PIAS3: variants seen among roughly 807,000 people sequenced by gnomAD.
PIAS3 encodes protein inhibitor of activated STAT 3.
A neutral mutation model predicts 67.6 loss-of-function variants in PIAS3; 34 were observed. The observed-to-expected ratio is 0.50, with a 90% CI of 0.38 to 0.67. The LOEUF is 0.67. Ranked by LOEUF, PIAS3 falls within the 30% of genes least tolerant of loss-of-function variation. The pLI, the probability that PIAS3 is intolerant of heterozygous loss-of-function variation, is 0.00. For synonymous variants in PIAS3, 341 were observed against 313.8 expected, an observed-to-expected ratio of 1.09 and a Z score of -0.92; for missense variants, 693 against 791.6, an observed-to-expected ratio of 0.88 and a Z score of 1.49.
chr1:145,856,742 G>A lies in PIAS3; in HGVS notation c.289C>T (p.Pro97Ser), dbSNP rs148993534. The A allele has an allele frequency of 6.2e-7, 1 of 1,614,080 alleles. No homozygotes were observed. ...GTGCCAGGGGCCAACAGCGTTGGGG[G>A]AATGGGAGCTAGAGGACCAGGGGAG... ...VGSPGPLAPIPPTLLAPGTLL... is the reference protein window; with the variant it reads ...VGSPGPLAPISPTLLAPGTLL... Residue 97 changes from proline (P) to serine (S), a missense_variant, in exon 2 of 14, where the codon CCC becomes TCC. This residue lies in a region of PIAS3 where 308 missense variants were observed against 348.8 expected (regional missense o/e 0.88). Coordinates refer to ENST00000393045, the MANE Select transcript of PIAS3 (RefSeq NM_006099.3).
rs1391554758 is a variant in PIAS3, at chr1:145,854,625, T to G, written c.805-62A>C. The G allele has an allele frequency of 2.5e-6, 4 of 1,576,918 alleles. No homozygotes were observed. The African/African-American group carries it at 5.4e-5, about 21-fold the overall frequency. On this transcript the variant is annotated intron_variant, in intron 6 of 13. Coordinates refer to ENST00000393045, the MANE Select transcript of PIAS3 (RefSeq NM_006099.3). ...TTCTCATACCACCACTGCCCACTTT[T>G]GTTCCATGAGGACCAGAGACAGACT... is the stretch of plus-strand genomic sequence containing the variant.
chr1:145,856,272 A>G (rs1653178547), intron 3 of PIAS3, 75 bp downstream of exon 3: 1 of 1,320,206 alleles, frequency 7.6e-7, no homozygotes, highest in Non-Finnish European at 1.1e-6. Flanking sequence ...GGGATAGGGA[A>G]GAGCACAGGG....
In PIAS3 at chr1:145,854,848, C is replaced by A. The variant is rs782815546; in HGVS notation, c.702G>T (p.Glu234Asp). Reference sequence around the variant, plus strand: ...TGATGGGGCGGCTGGGCCTCTTGGGCTCGGCCCCATTCTTGGTTGGGGGAA... The same window carrying A: ...TGATGGGGCGGCTGGGCCTCTTGGGATCGGCCCCATTCTTGGTTGGGGGAA... The part of the protein sequence containing the change: ...GYLPPTKNGA[E>D]PKRPSRPINI... The change falls in exon 6 of 14, where the codon GAG (glutamate) becomes GAT (aspartate). Residue 234 changes from glutamate (E) to aspartate (D), a missense_variant. By Grantham distance (45) the Glu-to-Asp change is conservative (BLOSUM62 2). Around this residue, in one of 3 missense-constraint regions of PIAS3, gnomAD observed 308 missense variants for 348.8 expected, o/e 0.88. Coordinates refer to ENST00000393045, the MANE Select transcript of PIAS3 (RefSeq NM_006099.3). 6.2e-7 allele frequency: 1 copy of A among 1,614,054 alleles called. No homozygotes were observed. The highest frequency in any genetic ancestry group is 1.3e-5 in the African/African-American group (1 of 74,914).
At chr1:145,851,336 C>T (rs1553734322) in intron 9 of PIAS3, 183 bp from the exon 10 acceptor site, 2 of 660,574 alleles carry the variant, frequency 3.0e-6, no homozygotes, top group Non-Finnish European at 5.4e-6. Flanking sequence ...AAGAGCTTTG[C>T]AAAGTAAGTA....
intron 4 of PIAS3, 104 bp downstream of exon 4, chr1:145,855,964 T>G (rs1165296548): frequency 9.2e-7 from 1 of 1,086,836 alleles, no homozygotes; most frequent in Admixed American, 1.7e-5. Flanking sequence ...AGGGCTGCAG[T>G]AGGCAGTGGC....
In PIAS3 at chr1:145,850,932, C is replaced by A; in HGVS notation, c.1287G>T (p.Gln429His). 1 of 1,614,162 alleles carries A rather than the reference C, an allele frequency of 6.2e-7. No individual in the cohort carries two copies. The highest frequency in any genetic ancestry group is 8.5e-7 in the Non-Finnish European group (1 of 1,180,032). Residue 429 changes from glutamine to histidine, a missense_variant, in exon 11 of 14, where the codon CAG becomes CAT. Physicochemically the swap from Gln to His is conservative, Grantham distance 24. Transcript: ENST00000393045. ...GATCTCCCCCCTGGACTGGGCTGTA[C>A]TGGAGGCCTGTGGGTATTAAGAAGA... The part of the protein sequence containing the change: ...PPPGYGLDGL[Q>H]YSPVQGGDPS...
intron 1 of PIAS3, 181 bp from the exon 2 acceptor site, chr1:145,857,187 C>T (rs1570780135): frequency 1.6e-6 from 1 of 614,630 alleles, no homozygotes; most frequent in African/African-American, 1.8e-5. Context: ...ATCTCAGTCC[C>T]ACTTTAGCAA....
In PIAS3 at chr1:145,849,415, G is replaced by C. The variant is rs1409211581; in HGVS notation, c.*31C>G. 1.4e-6 allele frequency: 2 copies of C among 1,476,496 alleles called. No homozygotes were observed. Among genetic ancestry groups the C allele is most frequent in the Non-Finnish European group, 8.9e-7 (1 of 1,120,520 alleles). 91.5% of individuals were successfully genotyped at this position (1,476,496 alleles called of 1,614,324 possible). ...CCACAGCATACTTGCTCAGTGTTGG[G>C]GGACAGCGAAGTTTCCATAATCCAG... On this transcript the variant is annotated 3_prime_UTR_variant, in exon 14 of 14. Coordinates refer to ENST00000393045, the MANE Select transcript of PIAS3 (RefSeq NM_006099.3).
At position 145,856,357 on chromosome 1, in the gene PIAS3, G is replaced by C. The variant is rs1553735606; in HGVS notation, c.517C>G (p.Leu173Val). The C allele has an allele frequency of 6.2e-7, 1 of 1,613,346 alleles. No individual in the cohort carries two copies. The highest frequency in any genetic ancestry group is 1.7e-5 in the Admixed American group (1 of 60,006). Reference sequence around the variant, plus strand: ...CTGGAAGAGATGTACCTGGATGTAAGAATCTGCTGCACTTGCTGGGGTGTG... The same window carrying C: ...CTGGAAGAGATGTACCTGGATGTAACAATCTGCTGCACTTGCTGGGGTGTG... ...ALTPQQVQQI[L>V]TSREVLPGAK... The change falls in exon 3 of 14, where the codon CTT (leucine) becomes GTT (valine). Residue 173 changes from leucine to valine, a missense_variant. Around this residue, in one of 3 missense-constraint regions of PIAS3, gnomAD observed 308 missense variants for 348.8 expected, o/e 0.88. Transcript: ENST00000393045.
chr1:145,851,166 A>G lies in PIAS3; in HGVS notation c.1146-13T>C. ...CTCCATAAATAAACTGGGGGAAGAG[A>G]GAGATGAAAATTCACGGGGCTGGGA... On this transcript the variant is annotated splice_polypyrimidine_tract_variant and intron_variant, in intron 9 of 13. Coordinates refer to ENST00000393045, the MANE Select transcript of PIAS3 (RefSeq NM_006099.3). 1 of 1,613,016 alleles carries G rather than the reference A, an allele frequency of 6.2e-7. No homozygotes were observed.
At chr1:145,853,723 TCACG>T in intron 8 of PIAS3, 59 bp from the exon 9 acceptor site, 1 of 1,608,574 alleles carries the variant, frequency 6.2e-7, no homozygotes, top group African/African-American at 1.3e-5. Context: ...CCAGAAAACT[TCACG>T]CCAGTATCCC....
chr1:145,848,637 A>G lies in PIAS3; in HGVS notation c.*809T>C, dbSNP rs868933609. 28 of 617,948 alleles carry G rather than the reference A, an allele frequency of 4.5e-5. No homozygotes were observed. The highest frequency in any genetic ancestry group is 8.6e-4 in the Middle Eastern group (2 of 2,326). The allele number at this position is 617,948 out of a possible 1,614,324, so 38.3% of individuals were successfully genotyped here. A position where few individuals can be genotyped will look rare whatever the true frequency, so the allele number is the denominator to read the frequency against. On this transcript the variant is annotated 3_prime_UTR_variant, in exon 14 of 14. Transcript: ENST00000393045. The stretch of plus-strand genomic sequence containing the variant: ...AGCCTGAAAAAGAAGATTGGGAAGG[A>G]GGGCACAGGGTCCTTCCACCTCCCT...
rs1553733592 is a variant in PIAS3 at position 145,849,572 on chromosome 1, C to T, written c.1761G>A (p.Ala587=). ...TGCTGCTGACACGGCCAGGAGGGGG[C>T]GCCGGAGTGGCGCTGCAGTGGGAGC... ...LGSSHCSATP[A]PPPGRVSSIV... The change falls in exon 14 of 14, where the codon GCG becomes GCA. Residue 587 remains alanine, a synonymous_variant. Transcript: ENST00000393045. 5 of 1,610,024 alleles carry T rather than the reference C, an allele frequency of 3.1e-6. No homozygotes were observed. The highest frequency in any genetic ancestry group is 2.2e-5 in the East Asian group (1 of 44,572).
chr1:145,853,447 A>T, intron 9 of PIAS3, 57 bp downstream of exon 9: 2 of 1,270,636 alleles, frequency 1.6e-6, no homozygotes, highest in Non-Finnish European at 2.2e-6. Flanking sequence ...AAAAGAAATA[A>T]CCAAGAAAAG....
At chr1:145,854,019 C>A in intron 7 of PIAS3, 133 bp from the exon 8 acceptor site, 1 of 692,444 alleles carries the variant, frequency 1.4e-6, no homozygotes, top group Non-Finnish European at 2.5e-6. Context: ...AGTGGGACGT[C>A]ACATGGAAGT....
intron 9 of PIAS3, 93 bp downstream of exon 9, chr1:145,853,409 CAA>C (rs1184423864): frequency 6.6e-3 from 4,983 of 757,828 alleles, no homozygotes; most frequent in South Asian, 9.2e-3. Flanking sequence ...GATTCCATCT[CAA>C]AAAAAAAAAA....
chr1:145,853,672 G>C lies in PIAS3; in HGVS notation c.985-8C>G. 1 of 1,613,316 alleles carries C rather than the reference G, an allele frequency of 6.2e-7. No homozygotes were observed. The highest frequency in any genetic ancestry group is 1.7e-5 in the Admixed American group (1 of 59,930). ...CAGGCGCATCTTCCCTAGCTGAGGA[G>C]AAGCAAGTTCTCTTGTCAGAGGCCC... On this transcript the variant is annotated splice_polypyrimidine_tract_variant and splice_region_variant and intron_variant, in intron 8 of 13. Transcript: ENST00000393045.
chr1:145,854,717 T>C, intron 6 of PIAS3, 29 bp downstream of exon 6: 1 of 1,614,058 alleles, frequency 6.2e-7, no homozygotes, highest in South Asian at 1.1e-5. Flanking sequence ...CAGCAGGCTT[T>C]TCCAGGCACC....
At chr1:145,855,392 G>C (rs996102112) in intron 5 of PIAS3, among the ~76,000 whole-genome samples, 2 of 151,848 alleles carry the variant, frequency 1.3e-5, no homozygotes, top group South Asian at 4.1e-4. Context: ...TGAGGCAAGA[G>C]AATTGCTTGA....
Sources: allele counts gnomAD v4.1 joint callset (sites outside exome capture counted in the v4.1 genomes callset), GRCh38; gene constraint gnomAD v4.1.1; regional missense constraint gnomAD v4.1.1; transcripts MANE v1.5; gene names NCBI Gene and HGNC (gene_info 2026-07-23, HGNC 2026-07-21).